Variants in SAMD5 observed in about 807,000 individuals in gnomAD.
SAMD5 encodes the protein sterile alpha motif domain-containing protein 5.
SAMD5 carries 13 observed loss-of-function variants against 11.3 expected under a neutral mutation model. The observed-to-expected ratio is 1.15, with a 90% CI of 0.75 to 1.83. The LOEUF (loss-of-function observed/expected upper bound fraction) is 1.83, where lower values mean the gene tolerates loss of function less well. Ranked by LOEUF, SAMD5 falls within the 40% of genes most tolerant of loss-of-function variation. The pLI is 0.00. For synonymous variants in SAMD5, 129 were observed against 111.3 expected (o/e 1.16, Z -1.00); for missense variants, 255 against 239.1 (o/e 1.07, Z -0.44).
the SAMD5 span, among the ~76,000 whole-genome samples, chr6:147,790,959 G>A: frequency 6.6e-6 from 1 of 152,008 alleles, no homozygotes; most frequent in African/African-American, 2.4e-5. Context: ...TATTGTGTGT[G>A]TATGTAAAAA....
intron 1 of SAMD5, among the ~76,000 whole-genome samples, chr6:147,681,006 C>T (rs1608530): frequency 0.11 from 17,477 of 152,100 alleles, 1,105 homozygotes; most frequent in Middle Eastern, 0.16. Flanking sequence ...TAAGCTGCCT[C>T]ATAGAATGAA....
At chr6:147,902,264 A>G in the SAMD5 span, among the ~76,000 whole-genome samples, 1 of 152,294 alleles carries the variant, frequency 6.6e-6, no homozygotes, top group South Asian at 2.1e-4. Context: ...AATGCTATGT[A>G]TCAAAGCCGC....
intron 1 of SAMD5, among the ~76,000 whole-genome samples, chr6:147,674,918 C>T (rs930021472): frequency 2.6e-5 from 4 of 152,176 alleles, no homozygotes; most frequent in Admixed American, 1.3e-4. Flanking sequence ...TAAGGTATTA[C>T]CATTCTTTGA....
chr6:147,792,684 G>A, the SAMD5 span, among the ~76,000 whole-genome samples: 46 of 152,218 alleles, frequency 3.0e-4, no homozygotes, highest in Non-Finnish European at 5.9e-4. Flanking sequence ...ACTGGGGCAG[G>A]AAATATACAA....
chr6:147,531,150 T>A (rs1788424035), intron 1 of SAMD5, among the ~76,000 whole-genome samples: 1 of 98,682 alleles, frequency 1.0e-5, no homozygotes, highest in African/African-American at 4.1e-5. Context: ...ATGATAGTCT[T>A]AAAAGTTTTT....
At chr6:147,697,374 G>GGA (rs1791191198) in intron 1 of SAMD5, among the ~76,000 whole-genome samples, 1 of 152,130 alleles carries the variant, frequency 6.6e-6, no homozygotes, top group African/African-American at 2.4e-5. Flanking sequence ...GCAGTAAATG[G>GGA]ACTTTCGTTT....
intron 1 of SAMD5, among the ~76,000 whole-genome samples, chr6:147,663,931 T>A (rs1356204149): frequency 6.6e-6 from 1 of 151,462 alleles, no homozygotes; most frequent in Non-Finnish European, 1.5e-5. Context: ...AGAAATCTGC[T>A]TTTTAGTCTT....
At chr6:147,876,531 G>A in the SAMD5 span, among the ~76,000 whole-genome samples, 2 of 152,156 alleles carry the variant, frequency 1.3e-5, no homozygotes, top group African/African-American at 4.8e-5. Flanking sequence ...TGGCACCTCT[G>A]AATTGACCCA....
intron 1 of SAMD5, among the ~76,000 whole-genome samples, chr6:147,532,556 A>T (rs1353065168): frequency 1.3e-5 from 2 of 152,206 alleles, no homozygotes; most frequent in South Asian, 2.1e-4. Flanking sequence ...GGTTGGTTCC[A>T]TATCTTTGCA....
Position 147,565,877 on chromosome 6 carries a change from T to C in SAMD5, c.*1421T>C. ...GACGTACAACTGGCTCCTGAGGCTG[T>C]CAATTGTTTAGAGCTCCCAAGTAGT... On this transcript the variant is annotated 3_prime_UTR_variant, in exon 2 of 2. Coordinates refer to ENST00000367474, the MANE Select transcript of SAMD5 (RefSeq NM_001030060.3). 1 of 985,436 alleles carries C rather than the reference T, an allele frequency of 1.0e-6. No homozygotes were observed. Among genetic ancestry groups the C allele is most frequent in the South Asian group, 4.7e-5 (1 of 21,290 alleles). The allele number at this position is 985,436 out of a possible 1,614,324, so 61.0% of individuals were successfully genotyped here.
At chr6:147,580,818 T>TC (rs1789287080) in intron 1 of SAMD5, among the ~76,000 whole-genome samples, 1 of 144,300 alleles carries the variant, frequency 6.9e-6, no homozygotes, top group African/African-American at 2.8e-5. Flanking sequence ...AAACTATGAT[T>TC]TTTTTTTTTT....
At position 147,565,095 on chromosome 6, in the gene SAMD5, T is replaced by G. The variant is rs1264172680; in HGVS notation, c.*639T>G. The G allele has an allele frequency of 1.0e-6, 1 of 984,740 alleles. No individual in the cohort carries two copies. The highest frequency in any genetic ancestry group is 1.2e-6 in the Non-Finnish European group (1 of 829,262). The allele number at this position is 984,740 out of a possible 1,614,324, so 61.0% of individuals were successfully genotyped here. A position where few individuals can be genotyped will look rare whatever the true frequency, so the allele number is the denominator to read the frequency against. On this transcript the variant is annotated 3_prime_UTR_variant, in exon 2 of 2. Coordinates refer to ENST00000367474, the MANE Select transcript of SAMD5 (RefSeq NM_001030060.3). ...ATCACCAAGAGAGGACAATTTCTTC[T>G]AACTTCTCTTTTTAAATTTAATCTG...
intron 1 of SAMD5, among the ~76,000 whole-genome samples, chr6:147,547,211 A>C (rs1398411418): frequency 2.0e-5 from 3 of 152,220 alleles, no homozygotes; most frequent in African/African-American, 7.2e-5. Flanking sequence ...CTGCATAATA[A>C]ATAGCCACAA....
chr6:147,665,910 T>G lies in SAMD5; in HGVS notation c.163-71407T>G, dbSNP rs560586475. Among the ~76,000 whole-genome samples, 315 of 152,336 alleles carry G rather than the reference T, an allele frequency of 2.1e-3. 2 individuals carry two copies. The highest frequency in any genetic ancestry group is 3.5e-3 in the Non-Finnish European group (239 of 68,032). ...ATGAAAAAGTTATTTTTTTCCCCAT[T>G]TAAGAAGTATCTTATTGCTCTCAGT... On this transcript the variant is annotated intron_variant, in intron 1 of 1. Transcript: ENST00000566741.
the SAMD5 span, among the ~76,000 whole-genome samples, chr6:147,756,137 A>C: frequency 6.6e-6 from 1 of 152,164 alleles, no homozygotes; most frequent in African/African-American, 2.4e-5. Context: ...AGTTTGAAAA[A>C]AACAAAAACC....
At chr6:147,754,869 G>C in the SAMD5 span, among the ~76,000 whole-genome samples, 1 of 152,026 alleles carries the variant, frequency 6.6e-6, no homozygotes, top group African/African-American at 2.4e-5. Context: ...TGAGTTTACT[G>C]TCAGTGTATG....
chr6:147,635,244 C>CCAT (rs1288726503), intron 1 of SAMD5, among the ~76,000 whole-genome samples: 1 of 151,410 alleles, frequency 6.6e-6, no homozygotes, highest in Non-Finnish European at 1.5e-5. Context: ...ACCACCACCA[C>CCAT]CACCATCACC....
chr6:147,787,038 AG>A, the SAMD5 span, among the ~76,000 whole-genome samples: 1 of 152,248 alleles, frequency 6.6e-6, no homozygotes, highest in Non-Finnish European at 1.5e-5. Flanking sequence ...GAAGTCTATA[AG>A]TATAAGGAGT....
intron 1 of SAMD5, chr6:147,730,260 C>A: frequency 2.8e-6 from 1 of 363,186 alleles, no homozygotes. Flanking sequence ...AATTCCCTGA[C>A]TTACATTAAT....
Sources: gnomAD v4.1 joint callset for allele counts (sites outside exome capture counted in the v4.1 genomes callset) on GRCh38, gnomAD v4.1.1 for gene constraint, MANE v1.5 for transcripts, NCBI Gene and HGNC (gene_info 2026-07-23, HGNC 2026-07-21) for gene names.